APBA2: variants seen among roughly 807,000 people sequenced by gnomAD.
APBA2 encodes the protein amyloid-beta A4 precursor protein-binding family A member 2.
A neutral mutation model predicts 75.0 loss-of-function variants in APBA2; 30 were observed. That is an observed-to-expected ratio of 0.40 (90% CI 0.30 to 0.54). APBA2 has a LOEUF of 0.54. APBA2 is among the 20% of genes least tolerant of loss of function. The pLI is 0.49. For missense variants in APBA2, 801 were observed against 1,016.1 expected (o/e 0.79, Z 2.88); for synonymous variants, 444 against 409.6 (o/e 1.08, Z -1.01).
chr15:28,953,559 A>G (rs1442161064), intron 2 of APBA2, among the ~76,000 whole-genome samples: 1 of 151,838 alleles, frequency 6.6e-6, no homozygotes, highest in Non-Finnish European at 1.5e-5. Flanking sequence ...CCTTCCACAG[A>G]CACCTCTCCT....
chr15:28,948,263 G>A (rs1297175384), intron 2 of APBA2, among the ~76,000 whole-genome samples: 1 of 152,150 alleles, frequency 6.6e-6, no homozygotes, highest in Non-Finnish European at 1.5e-5. Flanking sequence ...CTGAGGCCAC[G>A]GCGCTTTCTT....
chr15:29,094,211 A>G, intron 7 of APBA2, 67 bp from the exon 8 acceptor site: 1 of 1,566,598 alleles, frequency 6.4e-7, no homozygotes, highest in South Asian at 1.1e-5. Context: ...CACCAAAGTG[A>G]CATAACCTCA....
chr15:29,070,465 C>T (rs1048196052), intron 4 of APBA2, among the ~76,000 whole-genome samples: 11 of 152,278 alleles, frequency 7.2e-5, no homozygotes, highest in African/African-American at 2.4e-4. Context: ...AGCCACAGAT[C>T]CGCTTTGAAA....
chr15:29,032,608 C>G (rs1401477178), intron 3 of APBA2, among the ~76,000 whole-genome samples: 4 of 152,228 alleles, frequency 2.6e-5, no homozygotes, highest in Non-Finnish European at 2.9e-5. Context: ...ATTTGGCTAT[C>G]TCACTAACTT....
intron 3 of APBA2, among the ~76,000 whole-genome samples, chr15:29,009,088 A>G (rs1440494444): frequency 5.3e-5 from 8 of 152,182 alleles, no homozygotes; most frequent in African/African-American, 1.7e-4. Flanking sequence ...TATCCTACTG[A>G]GAAGGCATCA....
intron 2 of APBA2, among the ~76,000 whole-genome samples, chr15:28,982,209 TTA>T (rs2037660752): frequency 6.6e-6 from 1 of 152,162 alleles, no homozygotes. Context: ...CCCCCCACAC[TTA>T]TAAAGAGTTA....
intron 3 of APBA2, among the ~76,000 whole-genome samples, chr15:29,033,824 G>A (rs547247255): frequency 6.6e-6 from 1 of 152,048 alleles, no homozygotes; most frequent in South Asian, 2.1e-4. Flanking sequence ...AATTAGCCGA[G>A]CGTGGTGGCG....
intron 4 of APBA2, among the ~76,000 whole-genome samples, chr15:29,065,831 A>C (rs1241850683): frequency 6.6e-6 from 1 of 152,162 alleles, no homozygotes; most frequent in Non-Finnish European, 1.5e-5. Flanking sequence ...GGTCCTTTTA[A>C]GAGACACTGG....
chr15:28,969,143 T>C (rs2036907101), intron 2 of APBA2, among the ~76,000 whole-genome samples: 1 of 74,618 alleles, frequency 1.3e-5, no homozygotes, highest in African/African-American at 4.9e-4. Flanking sequence ...TTTCTTTCTT[T>C]CTTTCTTTCT....
At chr15:29,104,073 C>T (rs1372740841) in intron 10 of APBA2, among the ~76,000 whole-genome samples, 2 of 152,230 alleles carry the variant, frequency 1.3e-5, no homozygotes, top group South Asian at 2.1e-4. Context: ...CCGCCTGCTG[C>T]GCGCTTCTAA....
chr15:28,891,741 A>G (rs2032143250), intron 1 of APBA2, among the ~76,000 whole-genome samples: 1 of 152,228 alleles, frequency 6.6e-6, no homozygotes, highest in Admixed American at 6.5e-5. Flanking sequence ...ATTAGTAAAT[A>G]GTGAGTCGGA....
In APBA2 at chr15:28,953,713, T is replaced by C. The variant is rs1224023887; in HGVS notation, c.-95+31964T>C. Among the ~76,000 whole-genome samples, 13 of 152,180 alleles carry C rather than the reference T, an allele frequency of 8.5e-5. No individual in the cohort carries two copies. In the East Asian group the frequency reaches 2.5e-3, roughly 29 times the overall value. Reference sequence around the variant, plus strand: ...CCCCTCTAGGAAACACCTTCTTCCCTTGGCTTGTGGGGCACTCTGTGCTTG... The same window carrying C: ...CCCCTCTAGGAAACACCTTCTTCCCCTGGCTTGTGGGGCACTCTGTGCTTG... On this transcript the variant is annotated intron_variant, in intron 2 of 14. Coordinates refer to ENST00000683413, the MANE Select transcript of APBA2 (RefSeq NM_001353788.2).
chr15:28,938,374 T>A (rs891354949), intron 2 of APBA2, among the ~76,000 whole-genome samples: 7 of 152,258 alleles, frequency 4.6e-5, no homozygotes, highest in African/African-American at 1.7e-4. Flanking sequence ...GTGTGTCTGC[T>A]GAATGAGATT....
intron 1 of APBA2, among the ~76,000 whole-genome samples, chr15:28,908,097 G>A (rs956240123): frequency 3.9e-5 from 6 of 152,166 alleles, no homozygotes; most frequent in African/African-American, 1.4e-4. Context: ...TGGACCCTGG[G>A]GTTTTCCCGA....
At chr15:29,050,507 T>C (rs1356136568) in intron 3 of APBA2, among the ~76,000 whole-genome samples, 1 of 152,172 alleles carries the variant, frequency 6.6e-6, no homozygotes, top group Admixed American at 6.5e-5. Flanking sequence ...CTGGAATAAA[T>C]TTTTCTGAAA....
chr15:29,020,557 G>C (rs560518783), intron 3 of APBA2, among the ~76,000 whole-genome samples: 1 of 151,870 alleles, frequency 6.6e-6, no homozygotes, highest in Non-Finnish European at 1.5e-5. Flanking sequence ...CGTAATCCCA[G>C]CACTTTGAGA....
chr15:29,001,808 T>G (rs2038862911), intron 3 of APBA2, among the ~76,000 whole-genome samples: 1 of 152,196 alleles, frequency 6.6e-6, no homozygotes, highest in Non-Finnish European at 1.5e-5. Context: ...AACACCCTTT[T>G]TTTTAAAAGA....
intron 3 of APBA2, among the ~76,000 whole-genome samples, chr15:29,006,917 A>G (rs2039147202): frequency 6.6e-6 from 1 of 152,222 alleles, no homozygotes; most frequent in Admixed American, 6.5e-5. Context: ...TCGTCCTAAA[A>G]TTCTTGTGCA....
chr15:28,888,405 G>T (rs1371919735), intron 1 of APBA2, among the ~76,000 whole-genome samples: 1 of 152,216 alleles, frequency 6.6e-6, no homozygotes, highest in Admixed American at 6.5e-5. Flanking sequence ...TTTGGATTGG[G>T]CGGCGGTGGC....
Sources: gnomAD v4.1 joint callset for allele counts (sites outside exome capture counted in the v4.1 genomes callset) on GRCh38, gnomAD v4.1.1 for gene constraint, MANE v1.5 for transcripts, NCBI Gene and HGNC (gene_info 2026-07-23, HGNC 2026-07-21) for gene names.